The following FBXO4 variants were observed in gnomAD, a reference collection of about 807,000 sequenced individuals.
FBXO4 encodes F-box only protein 4.
FBXO4 carries 36 observed loss-of-function variants against 43.7 expected under a neutral mutation model. The observed-to-expected ratio is 0.82, with a 90% CI of 0.63 to 1.09. The LOEUF (loss-of-function observed/expected upper bound fraction) is 1.09, where lower values mean the gene tolerates loss of function less well. Among genes scored for constraint, FBXO4 ranks in the 50% least tolerant of loss-of-function variants. FBXO4 has a pLI of 0.00. For missense variants in FBXO4, 435 were observed against 474.1 expected (o/e 0.92, Z 0.77); for synonymous variants, 180 against 165.6 (o/e 1.09, Z -0.67).
intron 6 of FBXO4, among the ~76,000 whole-genome samples, chr5:41,940,823 C>T (rs957868691): frequency 2.0e-5 from 3 of 152,148 alleles, no homozygotes; most frequent in African/African-American, 7.2e-5. Context: ...CTTCAAGACA[C>T]ATTTTTGCAA....
the FBXO4 span, among the ~76,000 whole-genome samples, chr5:41,986,512 A>T: frequency 6.6e-6 from 1 of 152,136 alleles, no homozygotes; most frequent in South Asian, 2.1e-4. Flanking sequence ...TCCATTCTGA[A>T]ACATAATTGA....
intron 6 of FBXO4, 70 bp downstream of exon 6, chr5:41,939,686 T>A: frequency 3.1e-6 from 4 of 1,273,450 alleles, no homozygotes; most frequent in South Asian, 1.6e-5. Flanking sequence ...TTTTATTTTT[T>A]AAATTCATCT....
the FBXO4 span, among the ~76,000 whole-genome samples, chr5:42,019,282 CTT>C: frequency 2.6e-5 from 4 of 151,996 alleles, no homozygotes; most frequent in Admixed American, 6.6e-5. Flanking sequence ...TGTAAAATAA[CTT>C]ATTAATAATT....
chr5:41,992,208 A>G, the FBXO4 span, among the ~76,000 whole-genome samples: 2 of 152,244 alleles, frequency 1.3e-5, no homozygotes, highest in African/African-American at 4.8e-5. Flanking sequence ...ATTGGAATAT[A>G]GTACACATTA....
At chr5:42,030,428 C>T in the FBXO4 span, among the ~76,000 whole-genome samples, 1 of 151,984 alleles carries the variant, frequency 6.6e-6, no homozygotes, top group Non-Finnish European at 1.5e-5. Flanking sequence ...AACTGGATCC[C>T]TTCCTTACAC....
At chr5:41,936,022 A>G (rs1274194681) in intron 5 of FBXO4, among the ~76,000 whole-genome samples, 3 of 150,992 alleles carry the variant, frequency 2.0e-5, no homozygotes, top group Non-Finnish European at 3.0e-5. Flanking sequence ...AGTTTGATTC[A>G]GCCTACTGCA....
At chr5:41,979,823 A>G in the FBXO4 span, among the ~76,000 whole-genome samples, 1 of 152,204 alleles carries the variant, frequency 6.6e-6, no homozygotes, top group African/African-American at 2.4e-5. Flanking sequence ...GCTAAAGTGT[A>G]TCCTCTCTTA....
the FBXO4 span, among the ~76,000 whole-genome samples, chr5:41,999,461 G>GTATAATATATATA: frequency 2.2e-4 from 14 of 62,730 alleles, no homozygotes; most frequent in African/African-American, 9.7e-4. Context: ...GTGTGTGTGT[G>GTATAATATATATA]TGTGTATATA....
the FBXO4 span, among the ~76,000 whole-genome samples, chr5:42,023,091 G>A: frequency 6.6e-6 from 1 of 152,166 alleles, no homozygotes; most frequent in South Asian, 2.1e-4. Flanking sequence ...CTACGATAAT[G>A]ATTTGGGACT....
intron 5 of FBXO4, among the ~76,000 whole-genome samples, chr5:41,935,691 T>G (rs1751831157): frequency 6.6e-6 from 1 of 152,214 alleles, no homozygotes; most frequent in African/African-American, 2.4e-5. Context: ...GCACAGGGCC[T>G]ACCTAAGGCC....
the FBXO4 span, among the ~76,000 whole-genome samples, chr5:42,015,273 T>G: frequency 1.3e-5 from 2 of 152,230 alleles, no homozygotes; most frequent in African/African-American, 4.8e-5. Flanking sequence ...TGAGATTTTG[T>G]GTGTGTGTGA....
the FBXO4 span, among the ~76,000 whole-genome samples, chr5:42,015,084 G>A: frequency 1.3e-5 from 2 of 152,092 alleles, no homozygotes; most frequent in Admixed American, 6.6e-5. Flanking sequence ...CCAAGTACAG[G>A]CAATAAGCAG....
the FBXO4 span, among the ~76,000 whole-genome samples, chr5:42,017,837 T>A: frequency 6.6e-6 from 1 of 152,048 alleles, no homozygotes; most frequent in Non-Finnish European, 1.5e-5. Flanking sequence ...CTTTATCTAA[T>A]CTACCGTCTC....
In FBXO4 at chr5:41,925,491, G is replaced by A. The variant is rs1372152038; in HGVS notation, c.182G>A (p.Arg61Gln). 1.5e-5 allele frequency: 20 copies of A among 1,309,490 alleles called. No homozygotes were observed. The East Asian group carries it at 4.4e-4, about 29-fold the overall frequency. The allele number at this position is 1,309,490 out of a possible 1,614,324, so 81.1% of individuals were successfully genotyped here. The change falls in exon 1 of 7, where the codon CGG becomes CAG. Residue 61 changes from arginine (R) to glutamine (Q), a missense_variant. Arg to Gln is a conservative substitution (Grantham distance 43). Transcript: ENST00000281623. ...GATGAGGCGGCCAGCACCCTGACGC[G>A]GCTGCCGGTGAGCGTCGGCCGCAGG... ...EVDEAASTLT[R>Q]LPIDVQLYIL...
chr5:41,971,131 T>G, the FBXO4 span, among the ~76,000 whole-genome samples: 10 of 151,552 alleles, frequency 6.6e-5, no homozygotes, highest in Non-Finnish European at 1.3e-4. Context: ...AAAGAGAAAG[T>G]TACTAAAAAA....
the FBXO4 span, among the ~76,000 whole-genome samples, chr5:41,960,516 T>A: frequency 6.6e-6 from 1 of 152,122 alleles, no homozygotes; most frequent in Non-Finnish European, 1.5e-5. Context: ...TGTGTTGAGG[T>A]ACATTTCTTC....
the FBXO4 span, among the ~76,000 whole-genome samples, chr5:41,977,559 T>C: frequency 6.6e-6 from 1 of 152,202 alleles, no homozygotes; most frequent in Non-Finnish European, 1.5e-5. Context: ...AGATCTTTGC[T>C]AATGCATAAC....
the FBXO4 span, among the ~76,000 whole-genome samples, chr5:41,978,765 G>T: frequency 6.6e-6 from 1 of 151,868 alleles, no homozygotes; most frequent in Non-Finnish European, 1.5e-5. Flanking sequence ...TTAAGCTCAA[G>T]TCTTTTACAT....
chr5:41,928,111 G>A (rs7725264), intron 2 of FBXO4, among the ~76,000 whole-genome samples: 35,430 of 151,922 alleles, frequency 0.23, 4,532 homozygotes, highest in African/African-American at 0.33. Flanking sequence ...GTCAAGTGTT[G>A]TGAGACTATT....
Sources: gnomAD v4.1 joint callset for allele counts (sites outside exome capture counted in the v4.1 genomes callset) on GRCh38, gnomAD v4.1.1 for gene constraint, MANE v1.5 for transcripts, NCBI Gene and HGNC (gene_info 2026-07-23, HGNC 2026-07-21) for gene names.